The following TP73 variants were observed in gnomAD, a reference collection of about 807,000 sequenced individuals.
TP73 encodes tumor protein p73, also known as p53-like transcription factor.
Under a neutral mutation model 62.5 loss-of-function variants are expected in TP73, and 25 were observed. That is an observed-to-expected ratio of 0.40 (90% CI 0.29 to 0.56). TP73 has a LOEUF of 0.56. Ranked by LOEUF, TP73 falls within the 20% of genes least tolerant of loss-of-function variation. The probability of loss-of-function intolerance (pLI) is 0.46; values close to 1 mark genes in which losing one functional copy is unlikely to be tolerated. For missense variants in TP73, 754 were observed against 913.3 expected (o/e 0.83, Z 2.25); for synonymous variants, 423 against 377.5 (o/e 1.12, Z -1.40).
rs141304565 is a variant in TP73, at chr1:3,706,509, G to T, written c.187-1040G>T. Reference sequence around the variant, plus strand: ...CAATCACGGTGCCCGCCGCAGGCCCGGGGAGAGGGGGGTAAAGGCATTTGT... The same window carrying T: ...CAATCACGGTGCCCGCCGCAGGCCCTGGGAGAGGGGGGTAAAGGCATTTGT... On this transcript the variant is annotated intron_variant, in intron 3 of 13. Coordinates refer to ENST00000378295, the MANE Select transcript of TP73 (RefSeq NM_005427.4). Among the ~76,000 whole-genome samples, 67 of 149,408 alleles carry T rather than the reference G, an allele frequency of 4.5e-4. 3 individuals carry two copies. The highest frequency in any genetic ancestry group is 6.8e-3 in the Middle Eastern group (2 of 294).
At chr1:3,668,568 G>A (rs542436424) in intron 1 of TP73, 2 of 149,440 alleles carry the variant, frequency 1.3e-5, no homozygotes, top group East Asian at 2.0e-4. Context: ...GGACCAAAAC[G>A]GTTAATTATC....
chr1:3,681,733 C>G (rs1645525832), intron 1 of TP73, among the ~76,000 whole-genome samples: 1 of 152,100 alleles, frequency 6.6e-6, no homozygotes, highest in Non-Finnish European at 1.5e-5. Flanking sequence ...TCCAGCGCAG[C>G]CCTCACACAC....
chr1:3,709,395 G>A (rs375882563), intron 4 of TP73, among the ~76,000 whole-genome samples: 13 of 152,350 alleles, frequency 8.5e-5, no homozygotes, highest in African/African-American at 2.9e-4. Flanking sequence ...ACTCCTCCAC[G>A]CACCTTACTG....
intron 10 of TP73, 200 bp from the exon 11 acceptor site, chr1:3,729,800 T>C: frequency 6.0e-6 from 5 of 837,618 alleles, no homozygotes; most frequent in South Asian, 1.7e-5. Flanking sequence ...GGCCCCGCCA[T>C]GGCCAGTGTC....
chr1:3,732,143 G>A (rs1642179653), intron 13 of TP73, among the ~76,000 whole-genome samples: 2 of 152,334 alleles, frequency 1.3e-5, no homozygotes, highest in South Asian at 4.1e-4. Flanking sequence ...CCTCTGGTGG[G>A]AACCTGCCCC....
intron 3 of TP73, among the ~76,000 whole-genome samples, chr1:3,689,475 A>C (rs1645751641): frequency 6.6e-6 from 1 of 151,930 alleles, no homozygotes; most frequent in African/African-American, 2.4e-5. Flanking sequence ...CAACACCTGG[A>C]ATCGTCCTTT....
intron 1 of TP73, among the ~76,000 whole-genome samples, chr1:3,664,327 G>A (rs931716402): frequency 6.6e-6 from 1 of 152,220 alleles, no homozygotes; most frequent in African/African-American, 2.4e-5. Flanking sequence ...GTGGCTCAGG[G>A]TGCCTGTGAG....
chr1:3,730,541 C>T (rs898539649), intron 11 of TP73, among the ~76,000 whole-genome samples: 2 of 152,176 alleles, frequency 1.3e-5, no homozygotes, highest in African/African-American at 4.8e-5. Flanking sequence ...CCGGGGGCTC[C>T]ATTGGATAGA....
chr1:3,686,211 T>C (rs1055939662), intron 3 of TP73, among the ~76,000 whole-genome samples: 4 of 152,228 alleles, frequency 2.6e-5, no homozygotes, highest in Non-Finnish European at 5.9e-5. Context: ...CGCAGGACAC[T>C]GGTCCTCTGC....
intron 4 of TP73, among the ~76,000 whole-genome samples, chr1:3,709,118 G>C (rs3765755): frequency 0.29 from 43,456 of 152,142 alleles, 7,662 homozygotes; most frequent in Non-Finnish European, 0.38. Context: ...CAGTCCTGCC[G>C]GGCTGGTCTG....
At chr1:3,709,591 A>G (rs1445910538) in intron 4 of TP73, among the ~76,000 whole-genome samples, 1 of 151,580 alleles carries the variant, frequency 6.6e-6, no homozygotes, top group Non-Finnish European at 1.5e-5. Context: ...CTATCCTTCC[A>G]CCCCACTTGG....
At chr1:3,723,062 CTCTCTGCACCTGGCACT>C (rs1258648124) in intron 5 of TP73, among the ~76,000 whole-genome samples, 5 of 150,938 alleles carry the variant, frequency 3.3e-5, no homozygotes, top group Admixed American at 6.6e-5. Context: ...AGCTGGGCAC[CTCTCTGCACCTGGCACT>C]GGGCTGGGCA....
Position 3,731,148 on chromosome 1 carries a change from C to G in TP73, c.1484+83C>G, listed in dbSNP as rs60679866. On this transcript the variant is annotated intron_variant, in intron 12 of 13. Transcript: ENST00000378295. The stretch of plus-strand genomic sequence containing the variant: ...CCTTCTGGCCATGTCAGCTGCCCTG[C>G]CCCACCCTGTGTGCTCACCACTCGC... The G allele has an allele frequency of 3.7e-3, 5,697 of 1,534,126 alleles. 163 individuals are homozygous for G. The Admixed American group carries it at 0.072, about 19-fold the overall frequency.
rs373721708 is a variant in TP73, at chr1:3,718,565, G to A, written c.430-3456G>A. Among the ~76,000 whole-genome samples the A allele has an allele frequency of 1.2e-4, 16 of 136,728 alleles. 1 individual carries two copies. In the East Asian group the frequency reaches 1.4e-3, roughly 12 times the overall value. 89.7% of individuals were successfully genotyped at this position (136,728 alleles called of 152,430 possible). On this transcript the variant is annotated intron_variant, in intron 4 of 13. Coordinates refer to ENST00000378295, the MANE Select transcript of TP73 (RefSeq NM_005427.4). ...GGTGCTGGGGCAGGGGCCTAGGGGA[G>A]GGGCTGCAGGGGCCAGGCAGGAGCT...
intron 1 of TP73, among the ~76,000 whole-genome samples, chr1:3,681,128 G>A (rs1645509461): frequency 6.6e-6 from 1 of 152,232 alleles, no homozygotes; most frequent in Non-Finnish European, 1.5e-5. Context: ...TCCAGGGCCC[G>A]GCACGTGGCA....
At chr1:3,700,980 C>T (rs1570510560) in intron 3 of TP73, among the ~76,000 whole-genome samples, 2 of 152,228 alleles carry the variant, frequency 1.3e-5, no homozygotes, top group Admixed American at 6.5e-5. Context: ...GGGCTGTCCC[C>T]GCCCTCCACA....
chr1:3,717,475 A>T (rs574136364), intron 4 of TP73, among the ~76,000 whole-genome samples: 1 of 152,330 alleles, frequency 6.6e-6, no homozygotes, highest in East Asian at 1.9e-4. Flanking sequence ...AGCCGAAGAT[A>T]AATACGATTT....
chr1:3,696,414 G>A lies in TP73; in HGVS notation c.187-11135G>A, dbSNP rs576240277. Reference sequence around the variant, plus strand: ...ACTCAGTTGCTGGTGTGGGCAGGCAGGCTGTGGAGACGACCTCTAGGGAGT... The same window carrying A: ...ACTCAGTTGCTGGTGTGGGCAGGCAAGCTGTGGAGACGACCTCTAGGGAGT... On this transcript the variant is annotated intron_variant, in intron 3 of 13. Coordinates refer to ENST00000378295, the MANE Select transcript of TP73 (RefSeq NM_005427.4). The surrounding 1 kb of genome is among the most constrained non-coding windows in gnomAD (Gnocchi z 4.1). 6.6e-6 allele frequency among the ~76,000 whole-genome samples: 1 copy of A among 152,164 alleles called. No individual in the cohort carries two copies. The highest frequency in any genetic ancestry group is 6.5e-5 in the Admixed American group (1 of 15,296).
chr1:3,682,957 C>T, intron 2 of TP73, 103 bp from the exon 3 acceptor site: 2 of 1,465,214 alleles, frequency 1.4e-6, no homozygotes, highest in Non-Finnish European at 1.8e-6. Flanking sequence ...AGACGTAGGC[C>T]TCACCAGGAG....
Sources: gnomAD v4.1 joint callset for allele counts (sites outside exome capture counted in the v4.1 genomes callset) on GRCh38, gnomAD v4.1.1 for gene constraint, Gnocchi (gnomAD v3.1) non-coding constraint, MANE v1.5 for transcripts, NCBI Gene and HGNC (gene_info 2026-07-23, HGNC 2026-07-21) for gene names.